Variants in AFF2 observed in about 807,000 individuals in gnomAD.
The protein encoded by AFF2 is AF4/FMR2 family member 2.
AFF2 carries 14 observed loss-of-function variants against 76.9 expected under a neutral mutation model. The ratio of observed to expected loss-of-function variants is 0.18; its 90% CI spans 0.12 to 0.28. The LOEUF (loss-of-function observed/expected upper bound fraction) is 0.28. Ranked by LOEUF, AFF2 falls within the 10% of genes least tolerant of loss-of-function variation. The pLI, the probability that AFF2 is intolerant of heterozygous loss-of-function variation, is 1.00. For missense variants in AFF2, 868 were observed against 1,001.1 expected, an observed-to-expected ratio of 0.87 and a Z score of 1.79; for synonymous variants, 398 against 366.7, an observed-to-expected ratio of 1.09 and a Z score of -0.98.
chrX:148,562,829 G>T (rs1462049217), intron 1 of AFF2, among the ~76,000 whole-genome samples: 7 of 112,071 alleles, frequency 6.2e-5, no homozygotes, highest in Non-Finnish European at 1.3e-4. Context: ...TGGGGGCTCA[G>T]TGGGGAACTT....
intron 4 of AFF2, among the ~76,000 whole-genome samples, chrX:148,819,844 C>T (rs1180366075): frequency 1.8e-5 from 2 of 111,583 alleles, no homozygotes; most frequent in Non-Finnish European, 3.8e-5. Context: ...TTGAGATTTA[C>T]ATTATGTTCC....
At chrX:148,918,219 T>G (rs1557282843) in intron 9 of AFF2, among the ~76,000 whole-genome samples, 1 of 112,521 alleles carries the variant, frequency 8.9e-6, no homozygotes, top group Non-Finnish European at 1.9e-5. Flanking sequence ...ACTAGACATA[T>G]CAGGGAATTT....
At chrX:148,971,743 A>ATTTTTTTTT (rs2072256255) in intron 15 of AFF2, among the ~76,000 whole-genome samples, 1 of 13,930 alleles carries the variant, frequency 7.2e-5, no homozygotes, top group Admixed American at 1.1e-3. Context: ...TTTTTTTTCT[A>ATTTTTTTTT]TTTCTTTTTT....
At chrX:148,553,531 T>TAA (rs2053018288) in intron 1 of AFF2, among the ~76,000 whole-genome samples, 1 of 111,872 alleles carries the variant, frequency 8.9e-6, no homozygotes, top group African/African-American at 3.3e-5. Context: ...AAATGTACTG[T>TAA]GGCCTTCTCT....
chrX:148,565,443 A>G (rs1406321297), intron 1 of AFF2, among the ~76,000 whole-genome samples: 2 of 111,739 alleles, frequency 1.8e-5, no homozygotes, highest in African/African-American at 3.3e-5. Flanking sequence ...GAAAAATTTT[A>G]AGGTCATTAG....
intron 3 of AFF2, among the ~76,000 whole-genome samples, chrX:148,666,695 G>A (rs1195031143): frequency 5.4e-5 from 6 of 111,603 alleles, no homozygotes; most frequent in Non-Finnish European, 1.1e-4. Flanking sequence ...ATGCTGATGT[G>A]TTCTGCAGTT....
intron 9 of AFF2, among the ~76,000 whole-genome samples, chrX:148,926,493 C>G (rs782634560): frequency 2.5e-4 from 28 of 111,529 alleles, no homozygotes; most frequent in Non-Finnish European, 4.5e-4. Context: ...GAGGGAGAGT[C>G]TCCCTCCACT....
chrX:148,677,833 G>T (rs1429903437), intron 3 of AFF2, among the ~76,000 whole-genome samples: 1 of 111,916 alleles, frequency 8.9e-6, no homozygotes, highest in Non-Finnish European at 1.9e-5. Context: ...TGGAGTTGGT[G>T]TAGGGTTGTT....
At chrX:148,944,652 A>G (rs1557285938) in intron 9 of AFF2, among the ~76,000 whole-genome samples, 1 of 111,456 alleles carries the variant, frequency 9.0e-6, no homozygotes, top group African/African-American at 3.3e-5. Context: ...TAGAAACCGA[A>G]ATATCAGCTT....
At chrX:148,861,127 G>A (rs1557276381) in intron 7 of AFF2, among the ~76,000 whole-genome samples, 1 of 111,601 alleles carries the variant, frequency 9.0e-6, no homozygotes. Flanking sequence ...TGATTATTTT[G>A]AGAAATTGAG....
At chrX:148,952,464 C>T (rs1472975102) in intron 9 of AFF2, among the ~76,000 whole-genome samples, 1 of 111,595 alleles carries the variant, frequency 9.0e-6, no homozygotes, top group African/African-American at 3.3e-5. Flanking sequence ...GAGCACTCCC[C>T]TCCCCATGAG....
At chrX:148,718,557 T>G (rs2055053606) in intron 3 of AFF2, among the ~76,000 whole-genome samples, 1 of 111,520 alleles carries the variant, frequency 9.0e-6, no homozygotes, top group Admixed American at 9.5e-5. Flanking sequence ...CGCCGTGAAG[T>G]TCATATGAAT....
intron 2 of AFF2, 64 bp downstream of exon 2, chrX:148,652,195 T>G (rs1557256476): frequency 3.5e-6 from 3 of 867,767 alleles, no homozygotes; most frequent in Non-Finnish European, 4.9e-6. Flanking sequence ...TAATCAACAT[T>G]TAATTTATGT....
intron 3 of AFF2, among the ~76,000 whole-genome samples, chrX:148,740,342 A>G (rs1468071965): frequency 4.5e-5 from 5 of 110,628 alleles, no homozygotes; most frequent in African/African-American, 1.6e-4. Flanking sequence ...CTTTGTTCGT[A>G]TTTTCTTATT....
intron 3 of AFF2, among the ~76,000 whole-genome samples, chrX:148,704,104 A>G (rs989933246): frequency 9.9e-6 from 1 of 100,889 alleles, no homozygotes; most frequent in Non-Finnish European, 2.0e-5. Flanking sequence ...TATATATATT[A>G]TATATATATA....
At chrX:148,614,016 A>G (rs2053760256) in intron 1 of AFF2, among the ~76,000 whole-genome samples, 1 of 112,194 alleles carries the variant, frequency 8.9e-6, no homozygotes, top group Admixed American at 9.4e-5. Flanking sequence ...AACTTGACAT[A>G]AGAAAATCCG....
chrX:148,770,882 A>G (rs1438993765), intron 3 of AFF2, among the ~76,000 whole-genome samples: 1 of 112,267 alleles, frequency 8.9e-6, no homozygotes, highest in Non-Finnish European at 1.9e-5. Flanking sequence ...GCGCCTGCTT[A>G]CAAGATTGGC....
intron 13 of AFF2, 124 bp from the exon 14 acceptor site, chrX:148,966,666 T>A (rs1412766544): frequency 9.5e-7 from 1 of 1,053,006 alleles, no homozygotes; most frequent in Non-Finnish European, 1.2e-6. Flanking sequence ...GCTGTGTGCA[T>A]TGTTTTCTTT....
At chrX:148,618,142 A>C (rs1026446347) in intron 1 of AFF2, among the ~76,000 whole-genome samples, 1 of 111,712 alleles carries the variant, frequency 9.0e-6, no homozygotes, top group Non-Finnish European at 1.9e-5. Context: ...CTAACTCTTT[A>C]AAAGTTCTAA....
Sources: allele counts gnomAD v4.1 joint callset (sites outside exome capture counted in the v4.1 genomes callset), GRCh38; gene constraint gnomAD v4.1.1; transcripts MANE v1.5; gene names NCBI Gene and HGNC (gene_info 2026-07-23, HGNC 2026-07-21).